NOS2: variants seen among roughly 807,000 people sequenced by gnomAD.
The protein encoded by NOS2 is nitric oxide synthase 2, also known as nitric oxide synthase, inducible.
A neutral mutation model predicts 136.0 loss-of-function variants in NOS2; 96 were observed. The ratio of observed to expected loss-of-function variants is 0.71; its 90% CI spans 0.60 to 0.84. The LOEUF (loss-of-function observed/expected upper bound fraction) is 0.84, where lower values mean the gene tolerates loss of function less well. NOS2 is among the 40% of genes least tolerant of loss of function. NOS2 has a pLI of 0.00. For missense variants in NOS2, 1,237 were observed against 1,496.9 expected, an observed-to-expected ratio of 0.83 and a Z score of 2.87; for synonymous variants, 539 against 587.5, an observed-to-expected ratio of 0.92 and a Z score of 1.20.
intron 11 of NOS2, among the ~76,000 whole-genome samples, chr17:27,778,339 C>A (rs1355341691): frequency 6.6e-6 from 1 of 151,956 alleles, no homozygotes; most frequent in Non-Finnish European, 1.5e-5. Flanking sequence ...CTGGAGGGAG[C>A]CTGAGGTTTG....
intron 11 of NOS2, among the ~76,000 whole-genome samples, chr17:27,777,015 T>C (rs1908680332): frequency 6.6e-6 from 1 of 152,196 alleles, no homozygotes; most frequent in Non-Finnish European, 1.5e-5. Flanking sequence ...ATCCACATCC[T>C]GCCAGCATCA....
At chr17:27,771,077 C>G in intron 14 of NOS2, 60 bp from the exon 15 acceptor site, 2 of 1,247,824 alleles carry the variant, frequency 1.6e-6, no homozygotes, top group Non-Finnish European at 1.2e-6. Context: ...CCCTACCCTG[C>G]GCAGACACCC....
chr17:27,792,839 G>T (rs1260028098), intron 2 of NOS2, among the ~76,000 whole-genome samples: 1 of 90,696 alleles, frequency 1.1e-5, no homozygotes, highest in Non-Finnish European at 2.2e-5. Context: ...AAAAAAAAAA[G>T]GTGCCAAGTG....
chr17:27,772,249 T>C, intron 14 of NOS2, 59 bp downstream of exon 14: 1 of 1,600,144 alleles, frequency 6.2e-7, no homozygotes, highest in South Asian at 1.1e-5. Flanking sequence ...GTTTTAACTT[T>C]TCCTAGACTC....
intron 24 of NOS2, 97 bp downstream of exon 24, chr17:27,760,526 G>C: frequency 6.7e-7 from 1 of 1,503,672 alleles, no homozygotes; most frequent in East Asian, 2.5e-5. Flanking sequence ...GCCTTCCCTC[G>C]AGAGAGGTCA....
intron 9 of NOS2, among the ~76,000 whole-genome samples, chr17:27,779,575 G>A (rs1397212378): frequency 6.6e-6 from 1 of 152,044 alleles, no homozygotes; most frequent in African/African-American, 2.4e-5. Flanking sequence ...CCCAGCCAGA[G>A]AGACGTATTG....
rs139962252 is a variant in NOS2, at chr17:27,766,563, G to A, written c.2193C>T (p.Asn731=). 2.8e-5 allele frequency: 45 copies of A among 1,614,106 alleles called. No individual in the cohort carries two copies. In the African/African-American group the frequency reaches 4.9e-4, roughly 18 times the overall value. Residue 731 remains asparagine (N), a synonymous_variant, in exon 19 of 27, where the codon AAC becomes AAT. Coordinates refer to ENST00000313735, the MANE Select transcript of NOS2 (RefSeq NM_000625.4). ...GAGATTTGAGCCTCATGGTGAACAC[G>A]TTCTTGGCATGCATGCTGCTGAGGG... ...SKALSSMHAK[N]VFTMRLKSRQ...
rs201550339 is a variant in NOS2 at position 27,757,112 on chromosome 17, C to G, written c.*134G>C. ...AAGTAAAGGGCTTGATGGGGAGCAA[C>G]GTTGAGGAAATAAGACTTGAGGCTG... On this transcript the variant is annotated 3_prime_UTR_variant, in exon 27 of 27. Transcript: ENST00000313735. The G allele has an allele frequency of 9.1e-6, 6 of 658,762 alleles. No individual in the cohort carries two copies. In the African/African-American group the frequency reaches 9.2e-5, roughly 10 times the overall value. The allele number at this position is 658,762 out of a possible 1,614,324, so 40.8% of individuals were successfully genotyped here.
chr17:27,757,340 T>C lies in NOS2; in HGVS notation c.3368A>G (p.Tyr1123Cys). ...TACAGCACCAAAGATATCTTCGTGA[T>C]AGCGCTTCTGGCTCTTTTAGGTAAA... ...YFFQLKSQKRYHEDIFGAVFP... is the reference protein window; with the variant it reads ...YFFQLKSQKRCHEDIFGAVFP... Residue 1123 changes from tyrosine (Y) to cysteine (C), a missense_variant, in exon 27 of 27, where the codon TAT becomes TGT. Tyr to Cys is a radical substitution (Grantham distance 194). This residue lies in a region of NOS2 where 782 missense variants were observed against 909.9 expected (regional missense o/e 0.86). Transcript: ENST00000313735. The C allele has an allele frequency of 6.2e-7, 1 of 1,614,106 alleles. No homozygotes were observed. Among genetic ancestry groups the C allele is most frequent in the Non-Finnish European group, 8.5e-7 (1 of 1,179,994 alleles).
intron 20 of NOS2, among the ~76,000 whole-genome samples, chr17:27,765,243 C>T (rs1354779233): frequency 6.6e-6 from 1 of 152,370 alleles, no homozygotes; most frequent in Non-Finnish European, 1.5e-5. Context: ...CCACCACGGC[C>T]TCCCAAAGTG....
intron 7 of NOS2, among the ~76,000 whole-genome samples, 177 bp downstream of exon 7, chr17:27,781,838 C>G (rs536967296): frequency 6.6e-6 from 1 of 152,302 alleles, no homozygotes; most frequent in South Asian, 2.1e-4. Context: ...GCTGAGCTCA[C>G]AGGGGCTGGG....
rs773262468 is a variant in NOS2, at chr17:27,767,724, C to CT, written c.2147dup (p.Pro717AlafsTer44). 1 of 1,613,696 alleles carries CT rather than the reference C, an allele frequency of 6.2e-7. No homozygotes were observed. The highest frequency in any genetic ancestry group is 8.5e-7 in the Non-Finnish European group (1 of 1,180,002). On this transcript the variant is annotated frameshift_variant, in exon 18 of 27. Coordinates refer to ENST00000313735, the MANE Select transcript of NOS2 (RefSeq NM_000625.4). LOFTEE classifies it high-confidence loss of function. ...AGGTACCTTTGCTGAGGTCCAAAGGCTGTGAGTCCTGCACGAGCCTGTAGT... is the reference window on the plus strand; with the variant it reads ...AGGTACCTTTGCTGAGGTCCAAAGGCTTGTGAGTCCTGCACGAGCCTGTAGT...
At chr17:27,787,898 C>T (rs1909069607) in intron 4 of NOS2, 72 bp from the exon 5 acceptor site, 1 of 1,467,182 alleles carries the variant, frequency 6.8e-7, no homozygotes, top group Admixed American at 2.1e-5. Flanking sequence ...GGCCAGCTCT[C>T]CTGGCCACCT....
chr17:27,792,813 T>TAAA (rs1356054120), intron 2 of NOS2, among the ~76,000 whole-genome samples: 1 of 13,488 alleles, frequency 7.4e-5, no homozygotes, highest in African/African-American at 6.0e-4. Context: ...ACCCTATCTC[T>TAAA]ACAAAAAAAA....
At chr17:27,772,537 C>T in intron 13 of NOS2, 85 bp from the exon 14 acceptor site, 1 of 1,521,020 alleles carries the variant, frequency 6.6e-7, no homozygotes, top group South Asian at 1.2e-5. Context: ...TGGGAGGGGA[C>T]AGCGTTTAAT....
chr17:27,770,556 G>A (rs1171163924), intron 15 of NOS2, among the ~76,000 whole-genome samples: 1 of 152,124 alleles, frequency 6.6e-6, no homozygotes, highest in Non-Finnish European at 1.5e-5. Flanking sequence ...ACAAAGAGCA[G>A]GCCTTGGCCA....
Position 27,760,641 on chromosome 17 carries a change from G to T in NOS2, c.2992C>A (p.His998Asn). Residue 998 changes from histidine to asparagine, a missense_variant, in exon 24 of 27, where the codon CAT (histidine) becomes AAT (asparagine). Physicochemically the swap from His to Asn is moderately conservative, Grantham distance 68. Coordinates refer to ENST00000313735, the MANE Select transcript of NOS2 (RefSeq NM_000625.4). ...GCCTTACCCTTGTGCTGGGAGTCAT[G>T]GAGCCGTTGCTGCCAGAAACTGCGG... ...PFRSFWQQRL[H>N]DSQHKGVRGG... The T allele has an allele frequency of 6.4e-7, 1 of 1,553,892 alleles. No homozygotes were observed. Among genetic ancestry groups the T allele is most frequent in the South Asian group, 1.2e-5 (1 of 84,236 alleles).
Position 27,775,363 on chromosome 17 carries a change from C to T in NOS2, c.1282-912G>A, listed in dbSNP as rs117849218. 3.1e-3 allele frequency among the ~76,000 whole-genome samples: 476 copies of T among 152,156 alleles called. 1 individual carries two copies. Among genetic ancestry groups the T allele is most frequent in the Non-Finnish European group, 5.0e-3 (340 of 68,000 alleles). On this transcript the variant is annotated intron_variant, in intron 11 of 26. Coordinates refer to ENST00000313735, the MANE Select transcript of NOS2 (RefSeq NM_000625.4). ...CTATAATCCCAGCACTTTGGGAGGGCGAGACGGGGAGATCACCTGAGGTCG... is the reference window on the plus strand; with the variant it reads ...CTATAATCCCAGCACTTTGGGAGGGTGAGACGGGGAGATCACCTGAGGTCG...
At chr17:27,770,816 A>G (rs1908466654) in intron 15 of NOS2, 97 bp downstream of exon 15, 3 of 838,014 alleles carry the variant, frequency 3.6e-6, no homozygotes, top group South Asian at 3.1e-5. Context: ...CTGACTCCCA[A>G]ATGTCCTCCG....
Sources: gnomAD v4.1 joint callset for allele counts (sites outside exome capture counted in the v4.1 genomes callset) on GRCh38, gnomAD v4.1.1 for gene constraint, gnomAD v4.1.1 regional missense constraint, MANE v1.5 for transcripts, NCBI Gene and HGNC (gene_info 2026-07-23, HGNC 2026-07-21) for gene names.